Variants in COMMD10 observed in about 807,000 individuals in gnomAD.
COMMD10 encodes the protein COMM domain-containing protein 10.
Under a neutral mutation model 28.9 loss-of-function variants are expected in COMMD10, and 33 were observed. The ratio of observed to expected loss-of-function variants is 1.14; its 90% CI spans 0.87 to 1.53. The LOEUF (loss-of-function observed/expected upper bound fraction) is 1.53. Among genes scored for constraint, COMMD10 ranks in the 40% most tolerant of loss-of-function variants. COMMD10 has a pLI of 0.00. For synonymous variants in COMMD10, 110 were observed against 81.7 expected (o/e 1.35, Z -1.87); for missense variants, 310 against 233.4 (o/e 1.33, Z -2.14).
intron 5 of COMMD10, among the ~76,000 whole-genome samples, chr5:116,143,000 T>TC (rs1752239885): frequency 6.6e-6 from 1 of 151,426 alleles, no homozygotes; most frequent in Non-Finnish European, 1.5e-5. Context: ...AAATTATCCT[T>TC]CAAGGTTTTA....
intron 5 of COMMD10, among the ~76,000 whole-genome samples, chr5:116,245,815 C>T (rs1386457585): frequency 3.3e-5 from 4 of 120,560 alleles, no homozygotes; most frequent in Admixed American, 3.0e-4. Context: ...TCATAGCAAA[C>T]TAGGTATTGA....
chr5:116,123,280 G>T (rs944217243), intron 4 of COMMD10, among the ~76,000 whole-genome samples: 2 of 152,018 alleles, frequency 1.3e-5, no homozygotes, highest in African/African-American at 4.8e-5. Context: ...TAGCATGAAG[G>T]GCTGTTGAAT....
intron 5 of COMMD10, among the ~76,000 whole-genome samples, chr5:116,173,797 C>A (rs1179641460): frequency 6.7e-6 from 1 of 149,860 alleles, no homozygotes; most frequent in Non-Finnish European, 1.5e-5. Flanking sequence ...CCTTGTTAAT[C>A]CATTTTTTTT....
intron 5 of COMMD10, among the ~76,000 whole-genome samples, chr5:116,201,004 G>T (rs1435027071): frequency 6.6e-6 from 1 of 152,114 alleles, no homozygotes; most frequent in Non-Finnish European, 1.5e-5. Flanking sequence ...GTAAGCCTGT[G>T]CCTCTTGACT....
At chr5:116,258,746 G>A (rs909492827) in intron 5 of COMMD10, among the ~76,000 whole-genome samples, 2 of 151,254 alleles carry the variant, frequency 1.3e-5, no homozygotes, top group Admixed American at 1.3e-4. Flanking sequence ...GAAGATTTTG[G>A]AATTTTTATC....
At chr5:116,085,967 A>G (rs1475564928) in intron 1 of COMMD10, among the ~76,000 whole-genome samples, 4 of 152,230 alleles carry the variant, frequency 2.6e-5, no homozygotes, top group Admixed American at 2.6e-4. Context: ...GAAGACGCAC[A>G]AAGAAAGCGA....
intron 5 of COMMD10, among the ~76,000 whole-genome samples, chr5:116,230,760 C>T (rs899236185): frequency 2.0e-5 from 3 of 152,016 alleles, no homozygotes; most frequent in African/African-American, 7.2e-5. Flanking sequence ...CTGTGATATC[C>T]GTTTCTCTTT....
intron 5 of COMMD10, among the ~76,000 whole-genome samples, chr5:116,187,584 C>A (rs57609580): frequency 0.33 from 50,306 of 151,856 alleles, 12,061 homozygotes; most frequent in African/African-American, 0.68. Flanking sequence ...ATGATCTCTA[C>A]ATTACTTCAT....
At chr5:116,248,909 T>A (rs542938119) in intron 5 of COMMD10, among the ~76,000 whole-genome samples, 28 of 152,118 alleles carry the variant, frequency 1.8e-4, no homozygotes, top group African/African-American at 6.5e-4. Flanking sequence ...GAAATTTAAG[T>A]TACTGACATC....
At position 116,128,768 on chromosome 5, in the gene COMMD10, T is replaced by A. The variant is rs574627002; in HGVS notation, c.400-5300T>A. Among the ~76,000 whole-genome samples the A allele has an allele frequency of 5.9e-5, 9 of 152,134 alleles. No individual in the cohort carries two copies. The South Asian group carries it at 1.9e-3, about 31-fold the overall frequency. ...ATTTATTCCCTTTGCTTTTAGGACA[T>A]TGATATTTCTGAAGTATACGTGCCA... On this transcript the variant is annotated intron_variant, in intron 4 of 6. Transcript: ENST00000274458.
intron 5 of COMMD10, among the ~76,000 whole-genome samples, chr5:116,238,183 T>C (rs1749723313): frequency 6.6e-6 from 1 of 152,192 alleles, no homozygotes; most frequent in Non-Finnish European, 1.5e-5. Flanking sequence ...CAGCAAGATA[T>C]TTCTTAAAAT....
At chr5:116,109,748 A>G (rs1750979113) in intron 4 of COMMD10, among the ~76,000 whole-genome samples, 1 of 152,232 alleles carries the variant, frequency 6.6e-6, no homozygotes, top group Non-Finnish European at 1.5e-5. Context: ...CAGCTTTACT[A>G]CATTCATTTA....
intron 4 of COMMD10, among the ~76,000 whole-genome samples, chr5:116,118,260 A>AT (rs1205463954): frequency 1.3e-5 from 2 of 151,414 alleles, no homozygotes; most frequent in Admixed American, 6.6e-5. Flanking sequence ...CATAATATTT[A>AT]TTTTTTTTGT....
At chr5:116,290,473 T>C (rs1285019575) in intron 5 of COMMD10, among the ~76,000 whole-genome samples, 1 of 151,850 alleles carries the variant, frequency 6.6e-6, no homozygotes, top group Non-Finnish European at 1.5e-5. Context: ...CATAGCCCCA[T>C]TGACTCTTCT....
At chr5:116,140,778 A>G (rs978885118) in intron 5 of COMMD10, among the ~76,000 whole-genome samples, 1 of 151,654 alleles carries the variant, frequency 6.6e-6, no homozygotes, top group African/African-American at 2.4e-5. Flanking sequence ...TAATCTTAGT[A>G]CATTATTATT....
intron 5 of COMMD10, among the ~76,000 whole-genome samples, chr5:116,276,450 G>A (rs1750915871): frequency 6.6e-6 from 1 of 151,550 alleles, no homozygotes; most frequent in Admixed American, 6.6e-5. Flanking sequence ...TTGCCAGGTT[G>A]GTCTCAAATT....
chr5:116,217,089 A>C (rs2112639795), intron 5 of COMMD10, among the ~76,000 whole-genome samples: 1 of 152,150 alleles, frequency 6.6e-6, no homozygotes, highest in South Asian at 2.1e-4. Context: ...ATAATTTTTA[A>C]ATTCTAAAAG....
intron 5 of COMMD10, among the ~76,000 whole-genome samples, chr5:116,177,914 A>G (rs1025842786): frequency 6.6e-6 from 1 of 151,654 alleles, no homozygotes; most frequent in Admixed American, 6.6e-5. Context: ...GGTGCTTAAT[A>G]AACGTTTATT....
chr5:116,263,736 T>A (rs566183237), intron 5 of COMMD10, among the ~76,000 whole-genome samples: 1 of 151,806 alleles, frequency 6.6e-6, no homozygotes, highest in Non-Finnish European at 1.5e-5. Context: ...TAAATTTACC[T>A]ATAGCCTGGA....
Sources: allele counts gnomAD v4.1 joint callset (sites outside exome capture counted in the v4.1 genomes callset), GRCh38; gene constraint gnomAD v4.1.1; transcripts MANE v1.5; gene names NCBI Gene and HGNC (gene_info 2026-07-23, HGNC 2026-07-21).